Variants in UPP1 observed in about 807,000 individuals in gnomAD.
UPP1 encodes the protein UPase 1.
UPP1 carries 25 observed loss-of-function variants against 29.6 expected under a neutral mutation model. The observed-to-expected ratio is 0.85, with a 90% CI of 0.62 to 1.18. UPP1 has a LOEUF of 1.18. Among genes scored for constraint, UPP1 ranks in the 50% most tolerant of loss-of-function variants. UPP1 has a pLI of 0.00. For missense variants in UPP1, 368 were observed against 410.4 expected, an observed-to-expected ratio of 0.90 and a Z score of 0.89; for synonymous variants, 165 against 159.8, an observed-to-expected ratio of 1.03 and a Z score of -0.25.
At chr7:48,107,643 C>G in intron 8 of UPP1, 136 bp downstream of exon 8, 1 of 1,014,398 alleles carries the variant, frequency 9.9e-7, no homozygotes, top group Non-Finnish European at 1.4e-6. Context: ...CCCCAAGTCA[C>G]TTTCTGACAT....
chr7:48,103,661 T>G, intron 6 of UPP1: 1 of 1,052,306 alleles, frequency 9.5e-7, no homozygotes, highest in South Asian at 1.5e-5. Flanking sequence ...AAACTCATCC[T>G]TTTGGGGTTA....
Position 48,105,152 on chromosome 7 carries a change from G to T in UPP1, c.437-1721G>T, listed in dbSNP as rs184843897. 5.2e-3 allele frequency: 789 copies of T among 152,770 alleles called. 3 individuals are homozygous for T. Among genetic ancestry groups the T allele is most frequent in the Admixed American group, 9.7e-3 (148 of 15,314 alleles). The allele number at this position is 152,770 out of a possible 1,614,324, so 9.5% of individuals were successfully genotyped here. A position where few individuals can be genotyped will look rare whatever the true frequency, so the allele number is the denominator to read the frequency against. ...CAGGCACTCCTAGGAAGGTGCAGGG[G>T]GACATGGTGAAGATGGCAGCTGACA... On this transcript the variant is annotated intron_variant, in intron 6 of 8. Transcript: ENST00000395564.
Position 48,094,760 on chromosome 7 carries a change from T to C in UPP1, c.-21-3T>C. 6.2e-7 allele frequency: 1 copy of C among 1,614,130 alleles called. No homozygotes were observed. The highest frequency in any genetic ancestry group is 8.5e-7 in the Non-Finnish European group (1 of 1,180,008). On this transcript the variant is annotated splice_region_variant and splice_polypyrimidine_tract_variant and intron_variant, in intron 2 of 8. Transcript: ENST00000395564. ...ACTCCATTCTGTGATTTTTTTTCCT[T>C]AGGGTCCTGCCTCAGTTGGCGGAAT...
At chr7:48,099,977 T>A (rs1372744588) in intron 4 of UPP1, among the ~76,000 whole-genome samples, 190 bp downstream of exon 4, 4 of 152,240 alleles carry the variant, frequency 2.6e-5, no homozygotes, top group Admixed American at 1.3e-4. Flanking sequence ...CTATCCTAAG[T>A]AGTGCCAAAT....
Position 48,107,093 on chromosome 7 carries a change from G to T in UPP1, c.646+11G>T. On this transcript the variant is annotated intron_variant, in intron 7 of 8. Transcript: ENST00000395564. ...TGGACTTCTATGAAGGTGAGGCAGC[G>T]GATACGAGGAGGCATCTTTCAGCCA... 1 of 1,610,036 alleles carries T rather than the reference G, an allele frequency of 6.2e-7. No homozygotes were observed. The highest frequency in any genetic ancestry group is 1.1e-5 in the South Asian group (1 of 90,926).
chr7:48,099,712 G>C lies in UPP1; in HGVS notation c.87G>C (p.Met29Ile). 6.2e-7 allele frequency: 1 copy of C among 1,613,846 alleles called. No homozygotes were observed. Among genetic ancestry groups the C allele is most frequent in the African/African-American group, 1.3e-5 (1 of 75,018 alleles). Reference sequence around the variant, plus strand: ...TTTTAAATCCAAACATAGCAAAAATGAAAGAAGATATTCTCTATCATTTCA... The same window carrying C: ...TTTTAAATCCAAACATAGCAAAAATCAAAGAAGATATTCTCTATCATTTCA... ...VRLLNPNIAK[M>I]KEDILYHFNL... The change falls in exon 4 of 9, where the codon ATG (methionine) becomes ATC (isoleucine). Residue 29 changes from methionine (M) to isoleucine (I), a missense_variant. By Grantham distance (10) the Met-to-Ile change is conservative (BLOSUM62 1). Coordinates refer to ENST00000395564, the MANE Select transcript of UPP1 (RefSeq NM_003364.4).
In UPP1 at chr7:48,103,334, A is replaced by G. The variant is rs776521198; in HGVS notation, c.359A>G (p.His120Arg). The stretch of plus-strand genomic sequence containing the variant: ...ATTCCTTCTATCTCAATCATGTTGC[A>G]TGAGCTCATAAAGCTGCTGTACTAT... ...MGIPSISIMLHELIKLLYYAR... is the reference protein window; with the variant it reads ...MGIPSISIMLRELIKLLYYAR... The change falls in exon 6 of 9, where the codon CAT becomes CGT. Residue 120 changes from histidine (H) to arginine (R), a missense_variant. Coordinates refer to ENST00000395564, the MANE Select transcript of UPP1 (RefSeq NM_003364.4). 3.7e-6 allele frequency: 6 copies of G among 1,613,838 alleles called. No individual in the cohort carries two copies. Among genetic ancestry groups the G allele is most frequent in the Non-Finnish European group, 5.1e-6 (6 of 1,179,902 alleles).
At chr7:48,107,340 A>G in intron 7 of UPP1, 21 bp from the exon 8 acceptor site, 1 of 1,597,740 alleles carries the variant, frequency 6.3e-7, no homozygotes, top group Non-Finnish European at 8.5e-7. Context: ...TGTGGTTCTC[A>G]TGTCTCCATG....
intron 2 of UPP1, among the ~76,000 whole-genome samples, chr7:48,094,543 C>T (rs967610238): frequency 3.9e-5 from 6 of 152,182 alleles, no homozygotes; most frequent in Non-Finnish European, 8.8e-5. Flanking sequence ...AGGCTTTTGG[C>T]ACATTTTCAG....
intron 6 of UPP1, chr7:48,103,977 TG>T: frequency 8.7e-7 from 1 of 1,155,958 alleles, no homozygotes; most frequent in Non-Finnish European, 1.1e-6. Context: ...CCCAGCACAT[TG>T]GGAGGCCGAG....
chr7:48,103,071 AT>A (rs578075267), intron 5 of UPP1, among the ~76,000 whole-genome samples: 215 of 152,290 alleles, frequency 1.4e-3, no homozygotes, highest in African/African-American at 5.0e-3. Context: ...GCTGTTACCT[AT>A]TTGACAAATT....
chr7:48,107,305 G>A, intron 7 of UPP1, 56 bp from the exon 8 acceptor site: 4 of 1,567,678 alleles, frequency 2.6e-6, no homozygotes, highest in Non-Finnish European at 3.5e-6. Context: ...TGGCGCTGAT[G>A]TGTTGTAGGA....
At chr7:48,100,136 A>C (rs1212444770) in intron 4 of UPP1, among the ~76,000 whole-genome samples, 1 of 152,196 alleles carries the variant, frequency 6.6e-6, no homozygotes, top group Non-Finnish European at 1.5e-5. Context: ...AGAGCCTACT[A>C]CTTGCCTGGG....
At chr7:48,094,856 T>C in intron 3 of UPP1, 29 bp downstream of exon 3, 4 of 1,611,656 alleles carry the variant, frequency 2.5e-6, no homozygotes, top group African/African-American at 1.3e-5. Flanking sequence ...CCAGGTTGGG[T>C]TGGGTGGGGT....
chr7:48,091,170 T>A (rs934315302), intron 2 of UPP1, among the ~76,000 whole-genome samples: 9 of 152,158 alleles, frequency 5.9e-5, no homozygotes, highest in Admixed American at 5.9e-4. Context: ...TTTTGAAATA[T>A]GTTCATTCAA....
At chr7:48,104,725 G>C (rs1273022441) in intron 6 of UPP1, 2 of 152,186 alleles carry the variant, frequency 1.3e-5, no homozygotes, top group East Asian at 1.9e-4. Flanking sequence ...ATTGTCCCTA[G>C]GACAACACAC....
intron 2 of UPP1, among the ~76,000 whole-genome samples, chr7:48,093,055 A>G (rs530260282): frequency 1.7e-4 from 26 of 152,226 alleles, no homozygotes; most frequent in Non-Finnish European, 3.1e-4. Flanking sequence ...AAAAAAATCA[A>G]CAACACCACA....
chr7:48,103,723 C>G, intron 6 of UPP1: 1 of 1,276,370 alleles, frequency 7.8e-7, no homozygotes, highest in South Asian at 1.3e-5. Context: ...TTTCTAATCC[C>G]CCTTCTTCTC....
At chr7:48,092,391 C>T (rs920755211) in intron 2 of UPP1, among the ~76,000 whole-genome samples, 1 of 152,144 alleles carries the variant, frequency 6.6e-6, no homozygotes, top group African/African-American at 2.4e-5. Context: ...CCTGTAGTGC[C>T]TTTTGATAAG....
Sources: allele counts gnomAD v4.1 joint callset (sites outside exome capture counted in the v4.1 genomes callset), GRCh38; gene constraint gnomAD v4.1.1; transcripts MANE v1.5; gene names NCBI Gene and HGNC (gene_info 2026-07-23, HGNC 2026-07-21).